Variants in SEMA5A observed in about 807,000 individuals in gnomAD.
The protein encoded by SEMA5A is semaphorin 5A, also known as semaphorin-5A.
In SEMA5A, 55 loss-of-function variants were observed where a neutral mutation model predicts 135.5. The ratio of observed to expected loss-of-function variants is 0.41; its 90% CI spans 0.33 to 0.51. SEMA5A has a LOEUF of 0.51. Ranked by LOEUF, SEMA5A falls within the 20% of genes least tolerant of loss-of-function variation. SEMA5A has a pLI of 0.37. For synonymous variants in SEMA5A, 580 were observed against 546.5 expected (o/e 1.06, Z -0.85); for missense variants, 1,290 against 1,419.9 (o/e 0.91, Z 1.47).
intron 1 of SEMA5A, among the ~76,000 whole-genome samples, chr5:9,539,198 T>C (rs1019331852): frequency 1.3e-5 from 2 of 152,180 alleles, no homozygotes; most frequent in Non-Finnish European, 2.9e-5. Flanking sequence ...TCTCTATAAA[T>C]GGAAATACAT....
chr5:9,207,188 G>C (rs1746080556), intron 8 of SEMA5A, among the ~76,000 whole-genome samples: 1 of 144,272 alleles, frequency 6.9e-6, no homozygotes, highest in Non-Finnish European at 1.5e-5. Flanking sequence ...ACTGAGTTTT[G>C]TTTGTTTGTG....
chr5:9,265,754 T>C (rs918459301), intron 5 of SEMA5A, among the ~76,000 whole-genome samples: 1 of 152,212 alleles, frequency 6.6e-6, no homozygotes, highest in African/African-American at 2.4e-5. Context: ...ACTGCAAGGC[T>C]GCTTTCTCCC....
At chr5:9,537,559 T>C (rs1259597571) in intron 1 of SEMA5A, among the ~76,000 whole-genome samples, 1 of 152,144 alleles carries the variant, frequency 6.6e-6, no homozygotes, top group Non-Finnish European at 1.5e-5. Context: ...TCCTTACCAC[T>C]CATGAAGGGT....
Position 9,154,134 on chromosome 5 carries a change from T to G in SEMA5A, c.1481+354A>C, listed in dbSNP as rs999322974. On this transcript the variant is annotated intron_variant, in intron 12 of 22. Coordinates refer to ENST00000382496, the MANE Select transcript of SEMA5A (RefSeq NM_003966.3). ...GTGTGTGTATGTATGTATGTGTGTG[T>G]GTGTATATATATATACATATATATA... Among the ~76,000 whole-genome samples, 5 of 143,408 alleles carry G rather than the reference T, an allele frequency of 3.5e-5. No homozygotes were observed. The South Asian group carries it at 1.1e-3, about 32-fold the overall frequency. 94.1% of individuals were successfully genotyped at this position (143,408 alleles called of 152,430 possible).
chr5:9,177,813 A>AGG (rs1180279643), intron 11 of SEMA5A, among the ~76,000 whole-genome samples: 2 of 152,248 alleles, frequency 1.3e-5, no homozygotes, highest in Admixed American at 6.5e-5. Flanking sequence ...ACTAAGCATG[A>AGG]GGATACTGGA....
At chr5:9,101,877 C>T (rs181735629) in intron 16 of SEMA5A, among the ~76,000 whole-genome samples, 3 of 152,258 alleles carry the variant, frequency 2.0e-5, no homozygotes, top group East Asian at 1.9e-4. Flanking sequence ...AATGGGTCTA[C>T]GTCCAATGTA....
chr5:9,044,312 A>ATACTCCCTACAAGTGTT, intron 22 of SEMA5A, 61 bp downstream of exon 22: 2 of 1,394,752 alleles, frequency 1.4e-6, no homozygotes, highest in Non-Finnish European at 2.0e-6. Context: ...GGGCATCAAA[A>ATACTCCCTACAAGTGTT]TACTCCCTAC....
chr5:9,049,883 C>A (rs1473577781), intron 21 of SEMA5A, among the ~76,000 whole-genome samples: 1 of 152,222 alleles, frequency 6.6e-6, no homozygotes, highest in East Asian at 1.9e-4. Context: ...TGAAAAATTC[C>A]TCTAGCACTA....
chr5:9,303,127 T>G (rs972370365), intron 5 of SEMA5A, among the ~76,000 whole-genome samples: 4 of 150,950 alleles, frequency 2.6e-5, no homozygotes, highest in Non-Finnish European at 3.0e-5. Flanking sequence ...TAATTTTTTT[T>G]TTTTTTTGAG....
chr5:9,174,650 G>A (rs1009486850), intron 11 of SEMA5A, among the ~76,000 whole-genome samples: 5 of 152,216 alleles, frequency 3.3e-5, no homozygotes, highest in East Asian at 3.9e-4. Flanking sequence ...TGCCAGGCAG[G>A]GGCCATCTAT....
chr5:9,415,295 G>C (rs1440886602), intron 2 of SEMA5A, among the ~76,000 whole-genome samples: 1 of 152,184 alleles, frequency 6.6e-6, no homozygotes, highest in African/African-American at 2.4e-5. Flanking sequence ...GAACTGCTCA[G>C]CATCTGGGGT....
chr5:9,418,151 T>C (rs1757345786), intron 2 of SEMA5A, among the ~76,000 whole-genome samples: 1 of 152,100 alleles, frequency 6.6e-6, no homozygotes, highest in South Asian at 2.1e-4. Flanking sequence ...TAATTTTTTG[T>C]ATTTTTAGTA....
At chr5:9,044,647 G>C (rs1736151361) in intron 21 of SEMA5A, 63 bp from the exon 22 acceptor site, 2 of 1,356,346 alleles carry the variant, frequency 1.5e-6, no homozygotes, top group Non-Finnish European at 2.1e-6. Context: ...GCTACTCAAA[G>C]CACTAGGATG....
chr5:9,100,402 G>A (rs375410354), intron 16 of SEMA5A, among the ~76,000 whole-genome samples: 1 of 152,112 alleles, frequency 6.6e-6, no homozygotes, highest in East Asian at 1.9e-4. Flanking sequence ...TCCATGTTGG[G>A]AGTCTTCTCT....
intron 15 of SEMA5A, among the ~76,000 whole-genome samples, chr5:9,112,794 C>G (rs1740311178): frequency 6.6e-6 from 1 of 152,232 alleles, no homozygotes. Context: ...TCACTGGCTT[C>G]TAACCAACAG....
chr5:9,223,784 C>T (rs1371903287), intron 8 of SEMA5A, among the ~76,000 whole-genome samples: 1 of 152,154 alleles, frequency 6.6e-6, no homozygotes, highest in East Asian at 1.9e-4. Context: ...AGACCACACT[C>T]ACACATGAAT....
chr5:9,202,594 C>A (rs1435580619), intron 8 of SEMA5A, among the ~76,000 whole-genome samples: 1 of 152,132 alleles, frequency 6.6e-6, no homozygotes, highest in Non-Finnish European at 1.5e-5. Flanking sequence ...TCTTACATAA[C>A]CTTCAGAGAG....
intron 15 of SEMA5A, among the ~76,000 whole-genome samples, chr5:9,111,911 G>C (rs1740263555): frequency 6.6e-6 from 1 of 151,934 alleles, no homozygotes; most frequent in South Asian, 2.1e-4. Context: ...AAAACAATGA[G>C]GTTGGAAGTC....
chr5:9,507,156 A>G (rs918847972), intron 1 of SEMA5A, among the ~76,000 whole-genome samples: 3 of 152,214 alleles, frequency 2.0e-5, no homozygotes, highest in African/African-American at 7.2e-5. Context: ...TTCTCACTGT[A>G]ATAAAGAAGC....
Sources: gnomAD v4.1 joint callset for allele counts (sites outside exome capture counted in the v4.1 genomes callset) on GRCh38, gnomAD v4.1.1 for gene constraint, MANE v1.5 for transcripts, NCBI Gene and HGNC (gene_info 2026-07-23, HGNC 2026-07-21) for gene names.